JAZF1: variants seen among roughly 807,000 people sequenced by gnomAD.
The protein encoded by JAZF1 is JAZF zinc finger 1.
In JAZF1, 8 loss-of-function variants were observed where a neutral mutation model predicts 26.4. That is an observed-to-expected ratio of 0.30 (90% CI 0.18 to 0.55). The LOEUF is 0.55. Ranked by LOEUF, JAZF1 falls within the 20% of genes least tolerant of loss-of-function variation. The pLI is 0.94. For missense variants in JAZF1, 199 were observed against 322.0 expected (o/e 0.62, Z 2.92); for synonymous variants, 126 against 122.3 (o/e 1.03, Z -0.20).
intron 2 of JAZF1, among the ~76,000 whole-genome samples, chr7:27,942,271 T>G (rs922719876): frequency 2.0e-5 from 3 of 152,244 alleles, no homozygotes; most frequent in African/African-American, 7.2e-5. Flanking sequence ...CCTTCACCCC[T>G]GTGGTCAGAA....
intron 2 of JAZF1, among the ~76,000 whole-genome samples, chr7:27,968,910 C>T (rs555066598): frequency 6.6e-6 from 1 of 151,974 alleles, no homozygotes; most frequent in Non-Finnish European, 1.5e-5. Flanking sequence ...GAATTTACCC[C>T]AATAATAAAA....
At chr7:28,102,267 T>C (rs1480648544) in intron 1 of JAZF1, among the ~76,000 whole-genome samples, 1 of 152,232 alleles carries the variant, frequency 6.6e-6, no homozygotes, top group African/African-American at 2.4e-5. Context: ...CTTTATCTCT[T>C]AGGGCATTTG....
chr7:27,833,779 A>ATATTCTATGTAAGATTCCG (rs1319790699), intron 4 of JAZF1, among the ~76,000 whole-genome samples: 1 of 152,222 alleles, frequency 6.6e-6, no homozygotes, highest in Admixed American at 6.5e-5. Context: ...GTTCACCAGC[A>ATATTCTATGTAAGATTCCG]TATTCTATGT....
At chr7:28,037,037 C>A (rs1783305628) in intron 1 of JAZF1, among the ~76,000 whole-genome samples, 1 of 152,140 alleles carries the variant, frequency 6.6e-6, no homozygotes, top group Non-Finnish European at 1.5e-5. Flanking sequence ...CACAGTGGAG[C>A]ACACCCTTAC....
rs1479355602 is a variant in JAZF1 at position 27,895,249 on chromosome 7, G to A, written c.356C>T (p.Ser119Phe). ...TPPVTPPITPSSSFRSSTPTG... is the reference protein window; with the variant it reads ...TPPVTPPITPFSSFRSSTPTG... ...CGGAGTGCTGCTGCGGAATGAAGAG[G>A]AGGGGGTGATGGGTGGGGTCACGGG... The change falls in exon 3 of 5, where the codon TCC becomes TTC. Residue 119 changes from serine (S) to phenylalanine (F), a missense_variant. Physicochemically the swap from Ser to Phe is radical, Grantham distance 155 (BLOSUM62 -2). Around this residue, in one of 2 missense-constraint regions of JAZF1, gnomAD observed 137 missense variants for 184.8 expected, o/e 0.74. Coordinates refer to ENST00000283928, the MANE Select transcript of JAZF1 (RefSeq NM_175061.4). 6.2e-7 allele frequency: 1 copy of A among 1,607,878 alleles called. No individual in the cohort carries two copies. Among genetic ancestry groups the A allele is most frequent in the East Asian group, 2.2e-5 (1 of 44,550 alleles).
chr7:28,072,310 A>C (rs1783990166), intron 1 of JAZF1, among the ~76,000 whole-genome samples: 2 of 152,222 alleles, frequency 1.3e-5, no homozygotes, highest in Admixed American at 1.3e-4. Context: ...AACCCACTGA[A>C]CTGTGCGAAA....
chr7:28,066,069 G>A (rs1049673580), intron 1 of JAZF1, among the ~76,000 whole-genome samples: 1 of 152,126 alleles, frequency 6.6e-6, no homozygotes, highest in African/African-American at 2.4e-5. Flanking sequence ...ATTCCACCTA[G>A]AACCAAGAAT....
chr7:27,861,733 T>C (rs1783385013), intron 3 of JAZF1, among the ~76,000 whole-genome samples: 1 of 152,208 alleles, frequency 6.6e-6, no homozygotes, highest in Non-Finnish European at 1.5e-5. Flanking sequence ...GTCTGTCTGC[T>C]CATATTTAAA....
chr7:27,901,955 C>T (rs1456798455), intron 2 of JAZF1, among the ~76,000 whole-genome samples: 1 of 152,208 alleles, frequency 6.6e-6, no homozygotes, highest in Non-Finnish European at 1.5e-5. Context: ...CACGGTGCGA[C>T]CTGGTGCGCT....
At chr7:28,026,293 C>G (rs746332660) in intron 1 of JAZF1, among the ~76,000 whole-genome samples, 1 of 152,162 alleles carries the variant, frequency 6.6e-6, no homozygotes, top group Non-Finnish European at 1.5e-5. Context: ...AATCATCCAC[C>G]CTAAACCTTG....
chr7:27,842,791 G>C (rs927810619), intron 3 of JAZF1: 11 of 152,248 alleles, frequency 7.2e-5, no homozygotes, highest in African/African-American at 2.7e-4. Context: ...ATTTCGCAAA[G>C]CTCCTCCAGC....
At chr7:28,114,606 T>C (rs571730892) in intron 1 of JAZF1, among the ~76,000 whole-genome samples, 23 of 151,772 alleles carry the variant, frequency 1.5e-4, no homozygotes, top group Non-Finnish European at 2.5e-4. Context: ...GTTTTTTTTT[T>C]TTTCTTTCTA....
chr7:27,979,663 C>T (rs944650314), intron 2 of JAZF1, among the ~76,000 whole-genome samples: 3 of 152,074 alleles, frequency 2.0e-5, no homozygotes, highest in Admixed American at 1.3e-4. Context: ...GGGACAGTCC[C>T]ATGCTTCTCA....
intron 2 of JAZF1, chr7:27,913,488 C>T (rs939290873): frequency 5.5e-6 from 2 of 366,414 alleles, no homozygotes; most frequent in Middle Eastern, 3.8e-4. Context: ...CAAAGAGACC[C>T]CACGTGAACA....
intron 1 of JAZF1, among the ~76,000 whole-genome samples, chr7:28,150,032 T>G (rs546230347): frequency 6.6e-6 from 1 of 152,314 alleles, no homozygotes; most frequent in South Asian, 2.1e-4. Context: ...CTGGCTTCTT[T>G]GAAGATAGGT....
intron 2 of JAZF1, among the ~76,000 whole-genome samples, chr7:27,972,559 T>C (rs1168993421): frequency 6.6e-6 from 1 of 152,156 alleles, no homozygotes; most frequent in Non-Finnish European, 1.5e-5. Flanking sequence ...AAGGAGGTGA[T>C]ATGACTTAGC....
chr7:27,868,150 C>T (rs2128337345), intron 3 of JAZF1, among the ~76,000 whole-genome samples: 1 of 152,338 alleles, frequency 6.6e-6, no homozygotes, highest in Middle Eastern at 3.4e-3. Context: ...ACTGTCAGCA[C>T]TAGTCGTTAC....
chr7:28,014,689 G>A (rs1184780822), intron 1 of JAZF1, among the ~76,000 whole-genome samples: 1 of 152,170 alleles, frequency 6.6e-6, no homozygotes, highest in African/African-American at 2.4e-5. Flanking sequence ...TCTTCGGTAT[G>A]TCTTTAACAG....
intron 2 of JAZF1, among the ~76,000 whole-genome samples, chr7:27,899,567 T>C (rs190793024): frequency 1.1e-4 from 16 of 152,098 alleles, no homozygotes; most frequent in African/African-American, 3.6e-4. Flanking sequence ...CCCAAGTAGC[T>C]GAGACTACAG....
Sources: gnomAD v4.1 joint callset for allele counts (sites outside exome capture counted in the v4.1 genomes callset) on GRCh38, gnomAD v4.1.1 for gene constraint, gnomAD v4.1.1 regional missense constraint, MANE v1.5 for transcripts, NCBI Gene and HGNC (gene_info 2026-07-23, HGNC 2026-07-21) for gene names.